ST6GAL1: variants seen among roughly 807,000 people sequenced by gnomAD.
ST6GAL1 encodes the protein beta-galactoside alpha-2,6-sialyltransferase 1.
A neutral mutation model predicts 38.0 loss-of-function variants in ST6GAL1; 20 were observed. The observed-to-expected ratio is 0.53, with a 90% CI of 0.37 to 0.77. ST6GAL1 has a LOEUF of 0.77. Among genes scored for constraint, ST6GAL1 ranks in the 30% least tolerant of loss-of-function variants. The pLI, the probability that ST6GAL1 is intolerant of heterozygous loss-of-function variation, is 0.00. For missense variants in ST6GAL1, 432 were observed against 496.4 expected (o/e 0.87, Z 1.23); for synonymous variants, 196 against 188.2 (o/e 1.04, Z -0.34).
At chr3:187,040,763 C>T (rs778112430) in intron 3 of ST6GAL1, among the ~76,000 whole-genome samples, 3 of 152,214 alleles carry the variant, frequency 2.0e-5, no homozygotes, top group Non-Finnish European at 2.9e-5. Flanking sequence ...AACAAGCTTC[C>T]ACCCTTCACT....
At chr3:187,046,634 A>G (rs1718307391) in intron 4 of ST6GAL1, among the ~76,000 whole-genome samples, 1 of 152,178 alleles carries the variant, frequency 6.6e-6, no homozygotes, top group Admixed American at 6.5e-5. Context: ...AGTTTGAGGG[A>G]TGTTGGCTGT....
chr3:187,002,445 C>T (rs1487456081), intron 2 of ST6GAL1, among the ~76,000 whole-genome samples: 1 of 152,208 alleles, frequency 6.6e-6, no homozygotes, highest in Non-Finnish European at 1.5e-5. Context: ...CTGGTCTGTC[C>T]AACTTTCCCT....
At position 187,075,617 on chromosome 3, in the gene ST6GAL1, A is replaced by T. The variant is rs771417666; in HGVS notation, c.1035A>T (p.Pro345=). The T allele has an allele frequency of 2.5e-6, 4 of 1,614,146 alleles. No individual in the cohort carries two copies. In the Admixed American group the frequency reaches 6.7e-5, roughly 27 times the overall value. The change falls in exon 8 of 8, where the codon CCA becomes CCT. Residue 345 remains proline (P), a synonymous_variant. Transcript: ENST00000169298. This position sits in a 1 kb window ranked among gnomAD's most constrained non-coding sequence, Gnocchi z 4.1. ...AGGTGGATATTTATGAGTTCCTCCC[A>T]TCCAAGCGCAAGACTGACGTGTGCT... ...CDQVDIYEFL[P]SKRKTDVCYY... is the part of the protein sequence containing the mutation.
chr3:187,043,208 CT>C lies in ST6GAL1; in HGVS notation c.506del (p.Leu169ArgfsTer25), dbSNP rs1718188408. The C allele has an allele frequency of 6.2e-7, 1 of 1,614,082 alleles. No homozygotes were observed. Among genetic ancestry groups the C allele is most frequent in the African/African-American group, 1.3e-5 (1 of 74,920 alleles). On this transcript the variant is annotated frameshift_variant, in exon 4 of 8. Transcript: ENST00000169298. LOFTEE classifies it high-confidence loss of function. ...CAATACCTCTGAATGGGAGGGTTAT[CT>C]GCCCAAGGAGAGCATTAGGACCAAG... Reference protein sequence around the residue: ...PFNTSEWEGYLPKESIRTKAG... With the variant: ...PFNTSEWEGYXPKESIRTKAG...
chr3:187,071,629 C>T (rs1318811225), intron 5 of ST6GAL1, among the ~76,000 whole-genome samples: 5 of 151,622 alleles, frequency 3.3e-5, no homozygotes, highest in African/African-American at 1.2e-4. Context: ...GGCGTGGTGG[C>T]GGGCGTCTGT....
intron 1 of ST6GAL1, among the ~76,000 whole-genome samples, chr3:186,957,991 G>T (rs1043756438): frequency 6.6e-6 from 1 of 151,420 alleles, no homozygotes; most frequent in Non-Finnish European, 1.5e-5. Context: ...AGCACAGAAA[G>T]CAACCACTTC....
At chr3:187,013,297 C>T (rs1717015247) in intron 2 of ST6GAL1, among the ~76,000 whole-genome samples, 1 of 152,164 alleles carries the variant, frequency 6.6e-6, no homozygotes, top group Non-Finnish European at 1.5e-5. Flanking sequence ...CTATTACTTC[C>T]CCTGTGCTTT....
chr3:187,041,633 T>C (rs1718127138), intron 3 of ST6GAL1, among the ~76,000 whole-genome samples: 1 of 152,258 alleles, frequency 6.6e-6, no homozygotes, highest in Non-Finnish European at 1.5e-5. Flanking sequence ...ACATGGGTTA[T>C]GGAATCAAAT....
At chr3:186,966,023 C>T (rs192067389) in intron 2 of ST6GAL1, among the ~76,000 whole-genome samples, 13 of 152,294 alleles carry the variant, frequency 8.5e-5, no homozygotes, top group Admixed American at 8.5e-4. Context: ...CTCAGCCTCC[C>T]GAGTAGCTGG....
intron 2 of ST6GAL1, among the ~76,000 whole-genome samples, chr3:187,018,901 C>T (rs1248147450): frequency 6.6e-6 from 1 of 152,224 alleles, no homozygotes; most frequent in East Asian, 1.9e-4. Context: ...CAGAGATCCA[C>T]CAGACACTTG....
At chr3:187,007,055 T>C (rs758350671) in intron 2 of ST6GAL1, among the ~76,000 whole-genome samples, 1 of 152,088 alleles carries the variant, frequency 6.6e-6, no homozygotes, top group Non-Finnish European at 1.5e-5. Context: ...AACAGAAAGC[T>C]GAATAGGATG....
intron 2 of ST6GAL1, among the ~76,000 whole-genome samples, chr3:187,013,579 T>C (rs905830325): frequency 2.0e-5 from 3 of 152,162 alleles, no homozygotes; most frequent in Non-Finnish European, 4.4e-5. Context: ...GTGGCAACTA[T>C]TGTTTTGTTT....
intron 1 of ST6GAL1, among the ~76,000 whole-genome samples, chr3:186,962,308 G>T (rs1714962394): frequency 6.6e-6 from 1 of 152,106 alleles, no homozygotes. Flanking sequence ...CCCTCCACGG[G>T]TTTCTCTTTC....
chr3:186,987,136 A>G (rs12019227), intron 2 of ST6GAL1, among the ~76,000 whole-genome samples: 69,081 of 141,956 alleles, frequency 0.49, 18,477 homozygotes, highest in South Asian at 0.65. Context: ...AAGGAAGGAA[A>G]GAAAGAAGGA....
chr3:186,935,924 A>T (rs1713935871), intron 1 of ST6GAL1, among the ~76,000 whole-genome samples: 1 of 152,168 alleles, frequency 6.6e-6, no homozygotes, highest in South Asian at 2.1e-4. Context: ...ACCTTCACAC[A>T]TAAGTGAGTA....
chr3:186,983,274 G>A (rs79154403), intron 2 of ST6GAL1, among the ~76,000 whole-genome samples: 9,575 of 152,192 alleles, frequency 0.063, 395 homozygotes, highest in East Asian at 0.18. Flanking sequence ...AAATGCTTAC[G>A]GTTTTAAGGG....
intron 2 of ST6GAL1, among the ~76,000 whole-genome samples, chr3:186,996,842 G>A (rs529055535): frequency 6.6e-6 from 1 of 151,726 alleles, no homozygotes; most frequent in East Asian, 1.9e-4. Flanking sequence ...CTACATACGT[G>A]TCCCCCGCTT....
In ST6GAL1 at chr3:187,072,905, A is replaced by T. The variant is rs149834289; in HGVS notation, c.762A>T (p.Leu254=). Residue 254 remains leucine (L), a synonymous_variant, in exon 6 of 8, where the codon CTA becomes CTT. Coordinates refer to ENST00000169298, the MANE Select transcript of ST6GAL1 (RefSeq NM_173216.2). ...ACAGTTTGTACAATGAAGGAATCCT[A>T]ATTGTATGGGACCCATCTGTATACC... is the stretch of plus-strand genomic sequence containing the variant. ...LKDSLYNEGI[L]IVWDPSVYHS... 2.9e-5 allele frequency: 46 copies of T among 1,613,986 alleles called. No homozygotes were observed. In the African/African-American group the frequency reaches 5.5e-4, roughly 19 times the overall value.
intron 1 of ST6GAL1, chr3:186,948,571 C>A (rs62292585): frequency 1.1e-5 from 1 of 92,190 alleles, no homozygotes. Context: ...GTGTGTGTGT[C>A]TGTGTGTGTA....
Sources: gnomAD v4.1 joint callset for allele counts (sites outside exome capture counted in the v4.1 genomes callset) on GRCh38, gnomAD v4.1.1 for gene constraint, Gnocchi (gnomAD v3.1) non-coding constraint, MANE v1.5 for transcripts, NCBI Gene and HGNC (gene_info 2026-07-23, HGNC 2026-07-21) for gene names.